Variants in CNTNAP4 observed in about 807,000 individuals in gnomAD.
The protein encoded by CNTNAP4 is contactin-associated protein-like 4.
In CNTNAP4, 98 loss-of-function variants were observed where a neutral mutation model predicts 148.4. The observed-to-expected ratio is 0.66, with a 90% CI of 0.56 to 0.78. The LOEUF (loss-of-function observed/expected upper bound fraction) is 0.78. Ranked by LOEUF, CNTNAP4 falls within the 30% of genes least tolerant of loss-of-function variation. CNTNAP4 has a pLI of 0.00. For missense variants in CNTNAP4, 1,935 were observed against 1,565.6 expected (o/e 1.24, Z -3.98); for synonymous variants, 730 against 565.1 (o/e 1.29, Z -4.14).
chr16:76,322,730 C>T (rs538052916), intron 2 of CNTNAP4, among the ~76,000 whole-genome samples: 1 of 152,276 alleles, frequency 6.6e-6, no homozygotes, highest in East Asian at 1.9e-4. Context: ...CCCATTTTAG[C>T]AAACTAAATA....
chr16:76,512,507 A>AG (rs2083067672), intron 15 of CNTNAP4, among the ~76,000 whole-genome samples: 1 of 152,174 alleles, frequency 6.6e-6, no homozygotes. Context: ...GATCTAATCA[A>AG]TTAGAGGGAA....
At chr16:76,312,179 G>C (rs973154102) in intron 1 of CNTNAP4, among the ~76,000 whole-genome samples, 1 of 152,128 alleles carries the variant, frequency 6.6e-6, no homozygotes, top group African/African-American at 2.4e-5. Context: ...TCTTTGTGGT[G>C]GAAGGCTACC....
chr16:76,446,213 G>A (rs140497267), intron 4 of CNTNAP4, among the ~76,000 whole-genome samples: 107 of 152,214 alleles, frequency 7.0e-4, no homozygotes, highest in African/African-American at 2.3e-3. Flanking sequence ...ATGCATATTT[G>A]GGCTTACAAG....
At chr16:76,554,127 T>C (rs924269663) in intron 23 of CNTNAP4, among the ~76,000 whole-genome samples, 2 of 152,194 alleles carry the variant, frequency 1.3e-5, no homozygotes, top group African/African-American at 4.8e-5. Context: ...TAATTGACAA[T>C]TTCACTGAAG....
At chr16:76,501,960 T>C (rs569294656) in intron 15 of CNTNAP4, among the ~76,000 whole-genome samples, 2 of 151,252 alleles carry the variant, frequency 1.3e-5, no homozygotes, top group African/African-American at 2.4e-5. Context: ...TCCCAGCTAC[T>C]TGGGAGGCTG....
intron 10 of CNTNAP4, among the ~76,000 whole-genome samples, chr16:76,474,745 A>G (rs764625109): frequency 5.3e-5 from 8 of 152,128 alleles, no homozygotes; most frequent in Non-Finnish European, 8.8e-5. Flanking sequence ...TTTTTCATCT[A>G]TGGTGCCCTA....
At chr16:76,500,745 A>C (rs890666981) in intron 15 of CNTNAP4, among the ~76,000 whole-genome samples, 1 of 151,848 alleles carries the variant, frequency 6.6e-6, no homozygotes, top group African/African-American at 2.4e-5. Flanking sequence ...GTTCCACTAT[A>C]TTTATGTTCC....
intron 15 of CNTNAP4, among the ~76,000 whole-genome samples, chr16:76,516,370 C>T (rs1172395129): frequency 6.6e-6 from 1 of 152,162 alleles, no homozygotes; most frequent in Non-Finnish European, 1.5e-5. Flanking sequence ...GGTTCCAAGT[C>T]TTTGCCATTG....
chr16:76,418,863 G>T (rs549941613), intron 3 of CNTNAP4, among the ~76,000 whole-genome samples: 5 of 152,030 alleles, frequency 3.3e-5, no homozygotes, highest in African/African-American at 1.2e-4. Flanking sequence ...GCTAAGAAAT[G>T]GGTTACAGTT....
At chr16:76,284,045 A>G (rs1443827231) in intron 1 of CNTNAP4, among the ~76,000 whole-genome samples, 1 of 151,968 alleles carries the variant, frequency 6.6e-6, no homozygotes, top group Non-Finnish European at 1.5e-5. Context: ...CTAGTGTTTC[A>G]ATTATTATTT....
rs2079455874 is a variant in CNTNAP4, at chr16:76,427,591, G to A, written c.530G>A (p.Cys177Tyr). Reference protein sequence around the residue: ...RIGMRIEVFGCAYRSEVVDLD... With the variant: ...RIGMRIEVFGYAYRSEVVDLD... ...GGAATGCGAATCGAAGTGTTCGGAT[G>A]TGCATACAGTAAGTGTTTGTTTATC... Residue 177 changes from cysteine (C) to tyrosine (Y), a missense_variant, in exon 4 of 24, where the codon TGT (cysteine) becomes TAT (tyrosine). Cys to Tyr is a radical substitution (Grantham distance 194, BLOSUM62 -2). Transcript: ENST00000611870. 2 of 1,607,896 alleles carry A rather than the reference G, an allele frequency of 1.2e-6. No homozygotes were observed. Among genetic ancestry groups the A allele is most frequent in the South Asian group, 1.1e-5 (1 of 89,762 alleles).
At chr16:76,335,755 C>G (rs1438369545) in intron 2 of CNTNAP4, among the ~76,000 whole-genome samples, 3 of 152,164 alleles carry the variant, frequency 2.0e-5, no homozygotes, top group Non-Finnish European at 2.9e-5. Flanking sequence ...AACCCCTTAT[C>G]AGCCCCAGAG....
intron 3 of CNTNAP4, among the ~76,000 whole-genome samples, chr16:76,380,850 A>T (rs1320977655): frequency 6.6e-6 from 1 of 152,150 alleles, no homozygotes; most frequent in Non-Finnish European, 1.5e-5. Flanking sequence ...CCTCTTCCAC[A>T]CCACAAGCAT....
intron 2 of CNTNAP4, among the ~76,000 whole-genome samples, chr16:76,349,302 T>C (rs776554157): frequency 3.9e-5 from 6 of 152,258 alleles, no homozygotes; most frequent in Middle Eastern, 3.4e-3. Context: ...AATTGCTCCA[T>C]GGTCATGGCT....
chr16:76,430,709 C>G (rs978512753), intron 4 of CNTNAP4, among the ~76,000 whole-genome samples: 5 of 152,172 alleles, frequency 3.3e-5, no homozygotes, highest in African/African-American at 7.2e-5. Context: ...ATTAACGTGA[C>G]TCAGGTGCGC....
intron 10 of CNTNAP4, among the ~76,000 whole-genome samples, chr16:76,474,363 G>A (rs562288556): frequency 4.6e-5 from 7 of 152,218 alleles, no homozygotes; most frequent in African/African-American, 7.2e-5. Context: ...TAAAGTAAAC[G>A]CTCTAAGATA....
rs948984079 is a variant in CNTNAP4, at chr16:76,559,518, A to T, written c.*835A>T. ...TAAAATGTTTTCAACTAAACTGTTG[A>T]TATATTAAAAAAAATTCTTAACACA... On this transcript the variant is annotated 3_prime_UTR_variant, in exon 24 of 24. Transcript: ENST00000611870. Among the ~76,000 whole-genome samples, 2 of 152,190 alleles carry T rather than the reference A, an allele frequency of 1.3e-5. No homozygotes were observed. Among genetic ancestry groups the T allele is most frequent in the Admixed American group, 6.5e-5 (1 of 15,276 alleles).
At position 76,417,284 on chromosome 16, in the gene CNTNAP4, C is replaced by A. The variant is rs1302131200; in HGVS notation, c.391-10168C>A. On this transcript the variant is annotated intron_variant, in intron 3 of 23. Transcript: ENST00000611870. ...TGTTGCAGTTGTTTTTAATTTTTTG[C>A]CCCATTTTAAGTTCCTTATCTGATT... 2.0e-5 allele frequency among the ~76,000 whole-genome samples: 3 copies of A among 150,964 alleles called. No individual in the cohort carries two copies. In the East Asian group the frequency reaches 5.8e-4, roughly 29 times the overall value.
chr16:76,527,842 C>T (rs191720654), intron 17 of CNTNAP4, among the ~76,000 whole-genome samples: 81 of 152,128 alleles, frequency 5.3e-4, no homozygotes, highest in African/African-American at 1.8e-3. Flanking sequence ...ATGTTGTAAA[C>T]CTCAAATATA....
Sources: gnomAD v4.1 joint callset for allele counts (sites outside exome capture counted in the v4.1 genomes callset) on GRCh38, gnomAD v4.1.1 for gene constraint, MANE v1.5 for transcripts, NCBI Gene and HGNC (gene_info 2026-07-23, HGNC 2026-07-21) for gene names.